Variants in RGS18 observed in about 807,000 individuals in gnomAD.
The protein encoded by RGS18 is regulator of G-protein signaling 18.
RGS18 carries 22 observed loss-of-function variants against 27.6 expected under a neutral mutation model. The ratio of observed to expected loss-of-function variants is 0.80; its 90% CI spans 0.57 to 1.14. RGS18 has a LOEUF of 1.14. Ranked by LOEUF, RGS18 falls within the 50% of genes most tolerant of loss-of-function variation. The probability of loss-of-function intolerance (pLI) is 0.00; values close to 1 mark genes in which losing one functional copy is unlikely to be tolerated. For synonymous variants in RGS18, 89 were observed against 84.6 expected, an observed-to-expected ratio of 1.05 and a Z score of -0.29; for missense variants, 299 against 269.6, an observed-to-expected ratio of 1.11 and a Z score of -0.76.
chr1:192,182,056 T>C (rs1215041612), intron 4 of RGS18, among the ~76,000 whole-genome samples: 1 of 151,632 alleles, frequency 6.6e-6, no homozygotes, highest in Non-Finnish European at 1.5e-5. Context: ...TCAATAGTGT[T>C]CCATATGTAC....
intron 3 of RGS18, among the ~76,000 whole-genome samples, chr1:192,164,802 GACTTT>G (rs1415535413): frequency 5.3e-5 from 8 of 152,144 alleles, no homozygotes; most frequent in South Asian, 2.1e-4. Flanking sequence ...TCCTATGCTT[GACTTT>G]ACTTTAATCT....
intron 4 of RGS18, among the ~76,000 whole-genome samples, chr1:192,181,786 A>G (rs1315261891): frequency 6.6e-6 from 1 of 151,548 alleles, no homozygotes; most frequent in Non-Finnish European, 1.5e-5. Flanking sequence ...GTAATATAAC[A>G]CCAGAACTTA....
At chr1:192,181,568 T>A in intron 4 of RGS18, 110 bp downstream of exon 4, 1 of 721,102 alleles carries the variant, frequency 1.4e-6, no homozygotes, top group Non-Finnish European at 2.1e-6. Flanking sequence ...TAATTTCATT[T>A]ATAATTGACA....
At chr1:192,159,935 C>T (rs1022629096) in intron 2 of RGS18, among the ~76,000 whole-genome samples, 1 of 151,346 alleles carries the variant, frequency 6.6e-6, no homozygotes, top group African/African-American at 2.4e-5. Flanking sequence ...TTCCTGTATC[C>T]GTTTAAAAAA....
intron 1 of RGS18, 142 bp from the exon 2 acceptor site, chr1:192,159,078 A>G: frequency 5.0e-6 from 3 of 603,418 alleles, no homozygotes; most frequent in Non-Finnish European, 8.9e-6. Flanking sequence ...TCCTCCACAA[A>G]TACAATATTT....
At chr1:192,170,698 G>A (rs1243602798) in intron 3 of RGS18, among the ~76,000 whole-genome samples, 5 of 150,496 alleles carry the variant, frequency 3.3e-5, no homozygotes, top group African/African-American at 9.8e-5. Flanking sequence ...TAAAACCATA[G>A]ACTAAGTAAT....
intron 3 of RGS18, among the ~76,000 whole-genome samples, chr1:192,176,145 T>A (rs1046916397): frequency 2.0e-5 from 3 of 151,816 alleles, no homozygotes; most frequent in Non-Finnish European, 2.9e-5. Context: ...TCTGGTCAAT[T>A]TCTCTTATCT....
intron 3 of RGS18, among the ~76,000 whole-genome samples, chr1:192,179,659 G>C (rs1656417880): frequency 6.6e-6 from 1 of 151,520 alleles, no homozygotes; most frequent in Non-Finnish European, 1.5e-5. Context: ...TCATCAACCT[G>C]AATAAATCTC....
chr1:192,177,262 A>ATT (rs553204628), intron 3 of RGS18, among the ~76,000 whole-genome samples: 1 of 147,572 alleles, frequency 6.8e-6, no homozygotes, highest in Non-Finnish European at 1.5e-5. Flanking sequence ...AATTTTGTGG[A>ATT]TTTTTTTTTT....
rs1406443874 is a variant in RGS18, at chr1:192,184,791, T to A, written c.*237T>A. 2.4e-6 allele frequency: 1 copy of A among 421,540 alleles called. No individual in the cohort carries two copies. The highest frequency in any genetic ancestry group is 2.0e-5 in the African/African-American group (1 of 49,578). 26.1% of individuals were successfully genotyped at this position (421,540 alleles called of 1,614,324 possible). On this transcript the variant is annotated 3_prime_UTR_variant, in exon 5 of 5. Transcript: ENST00000367460. Reference sequence around the variant, plus strand: ...TATAATCAGAAAAAAAACTTATTTCTTAATCAAAAGGCAGTACAAAAAAAG... The same window carrying A: ...TATAATCAGAAAAAAAACTTATTTCATAATCAAAAGGCAGTACAAAAAAAG...
intron 4 of RGS18, among the ~76,000 whole-genome samples, 169 bp downstream of exon 4, chr1:192,181,627 T>C (rs1265108458): frequency 6.6e-6 from 1 of 151,664 alleles, no homozygotes; most frequent in African/African-American, 2.4e-5. Context: ...TTTTAATATA[T>C]GTATGCATTG....
At position 192,184,354 on chromosome 1, in the gene RGS18, C is replaced by T. The variant is rs764583298; in HGVS notation, c.508C>T (p.Leu170Phe). Residue 170 changes from leucine (L) to phenylalanine (F), a missense_variant, in exon 5 of 5, where the codon CTC (leucine) becomes TTC (phenylalanine). By Grantham distance (22) the Leu-to-Phe change is conservative. Coordinates refer to ENST00000367460, the MANE Select transcript of RGS18 (RefSeq NM_130782.3). Reference protein sequence around the residue: ...VITNSITQPTLHSFDAAQSRV... With the variant: ...VITNSITQPTFHSFDAAQSRV... ...TACAAACAGCATCACTCAACCTACC[C>T]TCCACAGTTTTGATGCTGCACAAAG... The T allele has an allele frequency of 1.9e-6, 3 of 1,611,532 alleles. No individual in the cohort carries two copies. Among genetic ancestry groups the T allele is most frequent in the South Asian group, 2.2e-5 (2 of 90,988 alleles).
chr1:192,170,695 AT>A, intron 3 of RGS18, among the ~76,000 whole-genome samples: 1 of 152,040 alleles, frequency 6.6e-6, no homozygotes, highest in South Asian at 2.1e-4. Flanking sequence ...AAGTAAAACC[AT>A]AGACTAAGTA....
At chr1:192,184,262 T>C in intron 4 of RGS18, 35 bp from the exon 5 acceptor site, 1 of 1,585,158 alleles carries the variant, frequency 6.3e-7, no homozygotes, top group Non-Finnish European at 8.6e-7. Context: ...TATAAGCATA[T>C]TAACTATAAT....
At chr1:192,178,500 A>G (rs997996556) in intron 3 of RGS18, among the ~76,000 whole-genome samples, 3 of 151,360 alleles carry the variant, frequency 2.0e-5, no homozygotes, top group African/African-American at 2.4e-5. Context: ...GTAATAGGAA[A>G]CTCTGGAGTT....
chr1:192,160,479 GA>G, intron 3 of RGS18, 40 bp downstream of exon 3: 1 of 1,430,096 alleles, frequency 7.0e-7, no homozygotes, highest in Non-Finnish European at 9.8e-7. Flanking sequence ...GTGCTTAATG[GA>G]AAATTACACA....
intron 3 of RGS18, among the ~76,000 whole-genome samples, chr1:192,165,389 C>T (rs1329124863): frequency 6.6e-6 from 1 of 152,174 alleles, no homozygotes; most frequent in Non-Finnish European, 1.5e-5. Flanking sequence ...GTGACCTTGT[C>T]CTGCCCATTT....
chr1:192,181,591 A>G, intron 4 of RGS18, 133 bp downstream of exon 4: 1 of 581,112 alleles, frequency 1.7e-6, no homozygotes, highest in Non-Finnish European at 2.8e-6. Flanking sequence ...TAATAATTAC[A>G]CATGTTAATG....
At chr1:192,159,047 A>G (rs1656023631) in intron 1 of RGS18, among the ~76,000 whole-genome samples, 173 bp from the exon 2 acceptor site, 1 of 152,118 alleles carries the variant, frequency 6.6e-6, no homozygotes, top group Non-Finnish European at 1.5e-5. Flanking sequence ...AAGGAGAAAC[A>G]TTTTCGTATG....
Sources: gnomAD v4.1 joint callset for allele counts (sites outside exome capture counted in the v4.1 genomes callset) on GRCh38, gnomAD v4.1.1 for gene constraint, MANE v1.5 for transcripts, NCBI Gene and HGNC (gene_info 2026-07-23, HGNC 2026-07-21) for gene names.